The following HDAC9 variants were observed in gnomAD, a reference collection of about 807,000 sequenced individuals.
HDAC9 encodes MEF-2 interacting transcription repressor (MITR) protein.
A neutral mutation model predicts 139.4 loss-of-function variants in HDAC9; 41 were observed. The observed-to-expected ratio is 0.29, with a 90% CI of 0.23 to 0.38. The LOEUF is 0.38. HDAC9 is among the 10% of genes least tolerant of loss of function. The probability of loss-of-function intolerance (pLI) is 1.00; values close to 1 mark genes in which losing one functional copy is unlikely to be tolerated. For synonymous variants in HDAC9, 517 were observed against 476.2 expected (o/e 1.09, Z -1.12); for missense variants, 1,147 against 1,297.0 (o/e 0.88, Z 1.78).
chr7:18,499,852 T>G (rs1797923294), intron 2 of HDAC9, among the ~76,000 whole-genome samples: 1 of 152,172 alleles, frequency 6.6e-6, no homozygotes, highest in Non-Finnish European at 1.5e-5. Flanking sequence ...CTTTTGTTCC[T>G]TAGTGTATGG....
chr7:18,418,692 A>C (rs1159200380), intron 1 of HDAC9, among the ~76,000 whole-genome samples: 2 of 152,094 alleles, frequency 1.3e-5, no homozygotes, highest in Non-Finnish European at 2.9e-5. Context: ...TTTTATGCTT[A>C]ATTGAATTTT....
At chr7:18,781,110 C>A (rs575662219) in intron 16 of HDAC9, among the ~76,000 whole-genome samples, 2 of 151,990 alleles carry the variant, frequency 1.3e-5, no homozygotes, top group Non-Finnish European at 2.9e-5. Context: ...TCTGTTCATG[C>A]GCATCCCTGC....
chr7:18,435,705 A>G (rs555545636), intron 1 of HDAC9, among the ~76,000 whole-genome samples: 1 of 151,588 alleles, frequency 6.6e-6, no homozygotes, highest in Admixed American at 6.6e-5. Flanking sequence ...ATTGTGAAAT[A>G]TTTATGCATT....
chr7:18,150,917 A>G (rs1434466300), intron 1 of HDAC9, among the ~76,000 whole-genome samples: 3 of 152,226 alleles, frequency 2.0e-5, no homozygotes, highest in Non-Finnish European at 4.4e-5. Context: ...GAAACTGGCA[A>G]TTTAAATAAC....
At chr7:18,169,592 TAATGCTA>T (rs1371935464) in intron 2 of HDAC9, among the ~76,000 whole-genome samples, 7 of 152,148 alleles carry the variant, frequency 4.6e-5, no homozygotes, top group Non-Finnish European at 8.8e-5. Flanking sequence ...ATATTTCTCC[TAATGCTA>T]TCCCTCCCCC....
chr7:18,496,211 A>C (rs34279008), intron 1 of HDAC9, 51 bp from the exon 2 acceptor site: 1 of 1,581,994 alleles, frequency 6.3e-7, no homozygotes, highest in Non-Finnish European at 8.7e-7. Context: ...AGTAAGAGTG[A>C]CTGGAATATG....
Position 18,648,544 on chromosome 7 carries a change from T to C in HDAC9, c.1328T>C (p.Leu443Ser). Residue 443 changes from leucine to serine, a missense_variant, in exon 11 of 26, where the codon TTG (leucine) becomes TCG (serine). This residue lies in a region of HDAC9 where 264 missense variants were observed against 273.8 expected (regional missense o/e 0.96). Transcript: ENST00000686413. ...ISPGIRGTHK[L>S]PRHRPLNRTQ... ...CCTGGCATTAGAGGTACCCACAAAT[T>C]GCCCCGTCACAGACCCCTGAACCGA... The C allele has an allele frequency of 6.2e-7, 1 of 1,613,570 alleles. No homozygotes were observed. Among genetic ancestry groups the C allele is most frequent in the Non-Finnish European group, 8.5e-7 (1 of 1,179,736 alleles).
chr7:18,820,718 T>G (rs758345846), intron 17 of HDAC9, among the ~76,000 whole-genome samples: 71 of 152,310 alleles, frequency 4.7e-4, no homozygotes, highest in African/African-American at 1.2e-3. Flanking sequence ...TATGTAAATC[T>G]AGCAGCTAAA....
At chr7:18,414,367 A>G (rs1788850779) in intron 1 of HDAC9, among the ~76,000 whole-genome samples, 1 of 151,660 alleles carries the variant, frequency 6.6e-6, no homozygotes, top group Admixed American at 6.6e-5. Context: ...AATAGGAGAC[A>G]TGTCTGCTCC....
At chr7:18,609,121 G>C (rs1048794374) in intron 6 of HDAC9, among the ~76,000 whole-genome samples, 7 of 152,050 alleles carry the variant, frequency 4.6e-5, no homozygotes, top group Admixed American at 2.6e-4. Context: ...GAAATTCTTG[G>C]AGAGAATGCA....
chr7:18,754,374 A>G (rs1367767043), intron 14 of HDAC9, among the ~76,000 whole-genome samples: 1 of 152,062 alleles, frequency 6.6e-6, no homozygotes, highest in Non-Finnish European at 1.5e-5. Flanking sequence ...GTCAAAAAAA[A>G]TTGTGGAGGT....
intron 2 of HDAC9, among the ~76,000 whole-genome samples, chr7:18,182,101 G>A (rs868535104): frequency 3.3e-5 from 5 of 152,250 alleles, no homozygotes; most frequent in Middle Eastern, 3.4e-3. Context: ...GCAGGGCCCA[G>A]GAGCCAAGAT....
intron 2 of HDAC9, among the ~76,000 whole-genome samples, chr7:18,207,839 T>C (rs935517121): frequency 6.6e-5 from 10 of 152,086 alleles, no homozygotes; most frequent in Middle Eastern, 3.4e-3. Flanking sequence ...CTCAGCCTTC[T>C]GAGTAGCTGG....
In HDAC9 at chr7:18,179,156, G is replaced by A. The variant is rs573846223; in HGVS notation, c.25+16807G>A. On this transcript the variant is annotated intron_variant, in intron 2 of 12. Coordinates refer to the HDAC9 transcript ENST00000417496. The stretch of plus-strand genomic sequence containing the variant: ...GATGTGGAACAAGCAAGCACTGCAT[G>A]TCTTTCATTCAGAGTTCTCTGAGGA... 1.1e-3 allele frequency among the ~76,000 whole-genome samples: 172 copies of A among 152,330 alleles called. 4 individuals are homozygous for A. The highest frequency in any genetic ancestry group is 8.3e-3 in the Admixed American group (127 of 15,306).
intron 23 of HDAC9, among the ~76,000 whole-genome samples, chr7:18,945,317 A>G: frequency 6.6e-6 from 1 of 152,230 alleles, no homozygotes; most frequent in East Asian, 1.9e-4. Flanking sequence ...GATCATTTGT[A>G]CATACTGTTT....
At chr7:18,941,463 G>A (rs775972104) in intron 23 of HDAC9, among the ~76,000 whole-genome samples, 6 of 152,138 alleles carry the variant, frequency 3.9e-5, no homozygotes, top group Non-Finnish European at 8.8e-5. Context: ...CTCTTGAGAT[G>A]TTGTTGTCCA....
In HDAC9 at chr7:18,666,249, G is replaced by A. The variant is rs1794833268; in HGVS notation, c.1504G>A (p.Gly502Ser). The part of the protein sequence containing the change: ...SKSIEQLKQP[G>S]SHLEEAEEEL... ...ATCTATTGAACAACTGAAGCAACCAGGCAGTCACCTTGAGGAAGCAGAGGA... is the reference window on the plus strand; with the variant it reads ...ATCTATTGAACAACTGAAGCAACCAAGCAGTCACCTTGAGGAAGCAGAGGA... Residue 502 changes from glycine to serine, a missense_variant, in exon 12 of 26, where the codon GGC becomes AGC. By Grantham distance (56) the Gly-to-Ser change is moderately conservative (BLOSUM62 0). Coordinates refer to ENST00000686413, the MANE Select transcript of HDAC9 (RefSeq NM_178425.4). The A allele has an allele frequency of 6.2e-7, 1 of 1,613,078 alleles. No individual in the cohort carries two copies. Among genetic ancestry groups the A allele is most frequent in the Non-Finnish European group, 8.5e-7 (1 of 1,179,440 alleles).
intron 1 of HDAC9, among the ~76,000 whole-genome samples, chr7:18,309,302 A>C: frequency 6.6e-6 from 1 of 152,144 alleles, no homozygotes; most frequent in Non-Finnish European, 1.5e-5. Context: ...CAGCTTATTC[A>C]CCTTACTTAC....
At chr7:18,344,415 C>T (rs568128131) in intron 1 of HDAC9, among the ~76,000 whole-genome samples, 43 of 151,972 alleles carry the variant, frequency 2.8e-4, no homozygotes, top group Middle Eastern at 3.4e-3. Flanking sequence ...AGAATATTGG[C>T]CAAGTAGCAC....
Sources: allele counts gnomAD v4.1 joint callset (sites outside exome capture counted in the v4.1 genomes callset), GRCh38; gene constraint gnomAD v4.1.1; regional missense constraint gnomAD v4.1.1; transcripts MANE v1.5; gene names NCBI Gene and HGNC (gene_info 2026-07-23, HGNC 2026-07-21).